The following PAPPA2 variants were observed in gnomAD, a reference collection of about 807,000 sequenced individuals.
The protein encoded by PAPPA2 is pappalysin-2.
A neutral mutation model predicts 176.4 loss-of-function variants in PAPPA2; 86 were observed. That is an observed-to-expected ratio of 0.49 (90% confidence interval 0.41 to 0.58). The LOEUF (loss-of-function observed/expected upper bound fraction) is 0.58. PAPPA2 is among the 20% of genes least tolerant of loss of function. The probability of loss-of-function intolerance (pLI) is 0.00; values close to 1 mark genes in which losing one functional copy is unlikely to be tolerated. For missense variants in PAPPA2, 2,073 were observed against 2,256.9 expected (o/e 0.92, Z 1.65); for synonymous variants, 809 against 852.2 (o/e 0.95, Z 0.88).
intron 4 of PAPPA2, among the ~76,000 whole-genome samples, chr1:176,680,055 GGATAC>G (rs1223556125): frequency 2.6e-5 from 4 of 152,140 alleles, no homozygotes; most frequent in African/African-American, 9.7e-5. Context: ...TAGAAGGAAT[GGATAC>G]TGGGTAAGAC....
intron 1 of PAPPA2, among the ~76,000 whole-genome samples, chr1:176,489,447 T>C (rs1230312157): frequency 6.6e-6 from 1 of 152,224 alleles, no homozygotes; most frequent in Non-Finnish European, 1.5e-5. Context: ...AGAAGTAACA[T>C]GCTTTGGAGA....
At chr1:176,721,450 C>T (rs7526821) in intron 12 of PAPPA2, among the ~76,000 whole-genome samples, 65,329 of 152,020 alleles carry the variant, frequency 0.43, 15,365 homozygotes, top group African/African-American at 0.61. Context: ...TATTATTTCT[C>T]TTAATGTGGG....
At chr1:176,565,135 T>C (rs1651889711) in intron 2 of PAPPA2, among the ~76,000 whole-genome samples, 1 of 152,250 alleles carries the variant, frequency 6.6e-6, no homozygotes, top group African/African-American at 2.4e-5. Flanking sequence ...TGTTAAGTAA[T>C]ATCCCATGCA....
chr1:176,728,118 TTAAAA>T (rs1298691597), intron 12 of PAPPA2, among the ~76,000 whole-genome samples: 1 of 151,692 alleles, frequency 6.6e-6, no homozygotes, highest in Non-Finnish European at 1.5e-5. Flanking sequence ...TTAAAATCAA[TTAAAA>T]TAAAAAGGAA....
chr1:176,602,898 A>G (rs374653120), intron 3 of PAPPA2, among the ~76,000 whole-genome samples: 8 of 152,208 alleles, frequency 5.3e-5, no homozygotes, highest in Non-Finnish European at 1.2e-4. Context: ...TTATTTTCCT[A>G]TAAGCCAGTT....
chr1:176,532,298 A>T (rs1649857571), intron 1 of PAPPA2, among the ~76,000 whole-genome samples: 1 of 152,156 alleles, frequency 6.6e-6, no homozygotes, highest in Non-Finnish European at 1.5e-5. Context: ...CATTAAATCT[A>T]CAAATAAAAG....
At chr1:176,616,438 C>G in intron 3 of PAPPA2, 2 of 654,478 alleles carry the variant, frequency 3.1e-6, no homozygotes. Context: ...TCAACTGATG[C>G]TAGGGCAACA....
At chr1:176,611,936 A>T (rs1654948800) in intron 3 of PAPPA2, among the ~76,000 whole-genome samples, 1 of 152,180 alleles carries the variant, frequency 6.6e-6, no homozygotes, top group South Asian at 2.1e-4. Context: ...TTTGACACAT[A>T]TTTCTAAATA....
In PAPPA2 at chr1:176,702,637, C is replaced by T. The variant is rs1435776803; in HGVS notation, c.3267C>T (p.Tyr1089=). 6.2e-7 allele frequency: 1 copy of T among 1,614,068 alleles called. No homozygotes were observed. Among genetic ancestry groups the T allele is most frequent in the Non-Finnish European group, 8.5e-7 (1 of 1,180,002 alleles). ...TCACACCTGGACAGATGTATCAGTA[C>T]CAAGTTCTAGCTGAAGCTGGAGGAG... is the stretch of plus-strand genomic sequence containing the variant. The part of the protein sequence containing the change: ...VEVTPGQMYQ[Y]QVLAEAGGEL... Residue 1089 remains tyrosine, a synonymous_variant, in exon 9 of 23, where the codon TAC becomes TAT. Coordinates refer to ENST00000367662, the MANE Select transcript of PAPPA2 (RefSeq NM_020318.3).
chr1:176,534,463 C>T (rs1649967431), intron 1 of PAPPA2, among the ~76,000 whole-genome samples: 1 of 152,128 alleles, frequency 6.6e-6, no homozygotes, highest in Non-Finnish European at 1.5e-5. Flanking sequence ...TTCTGGCTGC[C>T]TAGAACAGGA....
rs148899801 is a variant in PAPPA2 at position 176,556,340 on chromosome 1, C to T, written c.18C>T (p.Ile6=). The T allele has an allele frequency of 1.2e-6, 2 of 1,613,556 alleles. No individual in the cohort carries two copies. Among genetic ancestry groups the T allele is most frequent in the South Asian group, 2.2e-5 (2 of 90,984 alleles). ...GGGGAGGTATGATGTGCTTAAAGAT[C>T]CTAAGAATAAGCCTGGCGATTTTGG... MMCLK[I]LRISLAILAG... is the part of the protein sequence containing the mutation. Residue 6 remains isoleucine, a synonymous_variant, in exon 2 of 23, where the codon ATC becomes ATT. Coordinates refer to ENST00000367662, the MANE Select transcript of PAPPA2 (RefSeq NM_020318.3).
rs1363344986 is a variant in PAPPA2, at chr1:176,842,410, G to A, written c.5332G>A (p.Asp1778Asn). 3 of 1,613,378 alleles carry A rather than the reference G, an allele frequency of 1.9e-6. No homozygotes were observed. The highest frequency in any genetic ancestry group is 3.3e-5 in the Admixed American group (2 of 59,936). The change falls in exon 23 of 23, where the codon GAT (aspartate) becomes AAT (asparagine). Residue 1778 changes from aspartate (D) to asparagine (N), a missense_variant. Around this residue, in one of 4 missense-constraint regions of PAPPA2, gnomAD observed 27 missense variants for 52.1 expected, o/e 0.52. Coordinates refer to ENST00000367662, the MANE Select transcript of PAPPA2 (RefSeq NM_020318.3). Reference protein sequence around the residue: ...VIPFAADCDLDECTCRDPKAE... With the variant: ...VIPFAADCDLNECTCRDPKAE... ...TCCATTTGCTGCTGACTGTGACCTG[G>A]ATGAGTGCACCTGCCGGGACCCCAA... is the stretch of plus-strand genomic sequence containing the variant.
chr1:176,634,415 G>A (rs2102713826), intron 3 of PAPPA2, among the ~76,000 whole-genome samples: 1 of 152,226 alleles, frequency 6.6e-6, no homozygotes, highest in East Asian at 1.9e-4. Context: ...ACAGGAAGGG[G>A]AACATCACAC....
At chr1:176,569,367 T>A (rs1573055335) in intron 2 of PAPPA2, among the ~76,000 whole-genome samples, 1 of 152,228 alleles carries the variant, frequency 6.6e-6, no homozygotes, top group South Asian at 2.1e-4. Context: ...CACATGCACC[T>A]GAATTGTTCT....
intron 8 of PAPPA2, among the ~76,000 whole-genome samples, chr1:176,700,880 A>G (rs912479102): frequency 6.6e-6 from 1 of 152,142 alleles, no homozygotes. Context: ...GCTTCATTAC[A>G]TTTTTCTTCC....
intron 12 of PAPPA2, among the ~76,000 whole-genome samples, chr1:176,727,064 A>G (rs995464478): frequency 6.6e-6 from 1 of 152,218 alleles, no homozygotes; most frequent in Non-Finnish European, 1.5e-5. Flanking sequence ...ATAAAAATAC[A>G]CATATGCACA....
At chr1:176,475,478 C>A (rs1220195508) in intron 1 of PAPPA2, among the ~76,000 whole-genome samples, 1 of 152,170 alleles carries the variant, frequency 6.6e-6, no homozygotes, top group African/African-American at 2.4e-5. Flanking sequence ...AGAGGGCTAC[C>A]TCCTTTAGTA....
At chr1:176,775,939 T>G (rs1664441819) in intron 17 of PAPPA2, among the ~76,000 whole-genome samples, 1 of 152,214 alleles carries the variant, frequency 6.6e-6, no homozygotes, top group South Asian at 2.1e-4. Context: ...AGAGAAAATG[T>G]AAGCAGAATT....
intron 4 of PAPPA2, among the ~76,000 whole-genome samples, chr1:176,685,270 A>C (rs2102796895): frequency 6.6e-6 from 1 of 152,322 alleles, no homozygotes; most frequent in Middle Eastern, 3.4e-3. Flanking sequence ...TTTAATCTTC[A>C]TGACAATCCT....
Sources: allele counts gnomAD v4.1 joint callset (sites outside exome capture counted in the v4.1 genomes callset), GRCh38; gene constraint gnomAD v4.1.1; regional missense constraint gnomAD v4.1.1; transcripts MANE v1.5; gene names NCBI Gene and HGNC (gene_info 2026-07-23, HGNC 2026-07-21).